ICA1: variants seen among roughly 807,000 people sequenced by gnomAD.
ICA1 encodes 69 kDa islet cell autoantigen.
ICA1 carries 40 observed loss-of-function variants against 71.0 expected under a neutral mutation model. That is an observed-to-expected ratio of 0.56 (90% CI 0.44 to 0.73). The LOEUF (loss-of-function observed/expected upper bound fraction) is 0.73, where lower values mean the gene tolerates loss of function less well. Ranked by LOEUF, ICA1 falls within the 30% of genes least tolerant of loss-of-function variation. The pLI is 0.00. For missense variants in ICA1, 578 were observed against 576.5 expected (o/e 1.00, Z -0.03); for synonymous variants, 207 against 209.5 (o/e 0.99, Z 0.10).
intron 6 of ICA1, among the ~76,000 whole-genome samples, chr7:8,174,068 G>A (rs1028018438): frequency 3.3e-5 from 5 of 152,146 alleles, no homozygotes; most frequent in African/African-American, 1.2e-4. Context: ...TTGGAGCAGA[G>A]ACCTGGAGGA....
Position 8,227,236 on chromosome 7 carries a change from T to C in ICA1, c.256+1365A>G, listed in dbSNP as rs532077332. Among the ~76,000 whole-genome samples, 20 of 152,248 alleles carry C rather than the reference T, an allele frequency of 1.3e-4. No homozygotes were observed. In the South Asian group the frequency reaches 3.9e-3, roughly 30 times the overall value. ...ATCGGGTTTAAAAGTGTACTTTGAT[T>C]GAAAGCAGTGCAGACAATAGGCTAG... On this transcript the variant is annotated intron_variant, in intron 4 of 13. Transcript: ENST00000402384.
At chr7:8,181,369 T>C (rs1782148777) in intron 6 of ICA1, among the ~76,000 whole-genome samples, 1 of 152,190 alleles carries the variant, frequency 6.6e-6, no homozygotes, top group Admixed American at 6.5e-5. Context: ...CCACACTGCC[T>C]TAATTAGTTT....
At chr7:8,221,041 C>A in intron 5 of ICA1, among the ~76,000 whole-genome samples, 1 of 151,178 alleles carries the variant, frequency 6.6e-6, no homozygotes, top group African/African-American at 2.4e-5. Flanking sequence ...CCCTACAGAC[C>A]AACAGAAAAA....
chr7:8,211,416 G>C (rs1262272160), intron 6 of ICA1, among the ~76,000 whole-genome samples: 5 of 152,136 alleles, frequency 3.3e-5, no homozygotes, highest in Non-Finnish European at 7.3e-5. Context: ...GCGTTTGGTA[G>C]TTTGTCCAGC....
intron 6 of ICA1, among the ~76,000 whole-genome samples, chr7:8,170,772 A>G (rs1335451767): frequency 1.3e-5 from 2 of 152,140 alleles, no homozygotes; most frequent in East Asian, 1.9e-4. Context: ...CATGCTGTCC[A>G]AGAATGAAGA....
In ICA1 at chr7:8,223,830, T is replaced by C. The variant is rs1470936840; in HGVS notation, c.257-2432A>G. On this transcript the variant is annotated intron_variant, in intron 4 of 13. Coordinates refer to ENST00000402384, the MANE Select transcript of ICA1 (RefSeq NM_001136020.3). This position sits in a 1 kb window ranked among gnomAD's most constrained non-coding sequence, Gnocchi z 4.1. ...TGTTCTATTAATAAGGTTTCAATTA[T>C]CTGGGACTTGAGAATTCAGAGACAA... 2.0e-5 allele frequency among the ~76,000 whole-genome samples: 3 copies of C among 152,212 alleles called. No homozygotes were observed. The highest frequency in any genetic ancestry group is 7.2e-5 in the African/African-American group (3 of 41,452).
intron 13 of ICA1, among the ~76,000 whole-genome samples, chr7:8,114,293 C>A (rs1449259974): frequency 1.3e-5 from 2 of 152,180 alleles, no homozygotes; most frequent in African/African-American, 2.4e-5. Flanking sequence ...CACCTGCACC[C>A]CAACCCCACT....
intron 6 of ICA1, among the ~76,000 whole-genome samples, chr7:8,195,993 A>C (rs1426947145): frequency 8.2e-6 from 1 of 122,540 alleles, no homozygotes; most frequent in Non-Finnish European, 2.0e-5. Flanking sequence ...AACAACAACA[A>C]CAACAACACC....
At chr7:8,207,884 GAT>G in intron 6 of ICA1, among the ~76,000 whole-genome samples, 1 of 152,272 alleles carries the variant, frequency 6.6e-6, no homozygotes, top group Admixed American at 6.5e-5. Flanking sequence ...CTAAAATATA[GAT>G]AGACTTAGGA....
intron 13 of ICA1, among the ~76,000 whole-genome samples, chr7:8,116,092 G>A (rs750612221): frequency 2.6e-5 from 4 of 152,194 alleles, no homozygotes; most frequent in South Asian, 2.1e-4. Flanking sequence ...TAATTTCTGG[G>A]ATTATGCGAA....
chr7:8,171,724 C>T (rs1323033373), intron 6 of ICA1, among the ~76,000 whole-genome samples: 1 of 151,656 alleles, frequency 6.6e-6, no homozygotes, highest in Non-Finnish European at 1.5e-5. Flanking sequence ...TGAGAACTTC[C>T]TTATTTTCTA....
At chr7:8,218,673 T>A (rs1407590714) in intron 5 of ICA1, 170 bp from the exon 6 acceptor site, 1 of 636,656 alleles carries the variant, frequency 1.6e-6, no homozygotes, top group Non-Finnish European at 2.8e-6. Flanking sequence ...TCCAACTGAT[T>A]AGTCAGCCAG....
At chr7:8,239,220 TAATC>T (rs1318743476) in intron 1 of ICA1, among the ~76,000 whole-genome samples, 4 of 152,234 alleles carry the variant, frequency 2.6e-5, no homozygotes, top group African/African-American at 9.6e-5. Flanking sequence ...TTTCCTGACA[TAATC>T]TATCTTGTTT....
At chr7:8,116,024 C>A (rs565369679) in intron 13 of ICA1, among the ~76,000 whole-genome samples, 52 of 152,226 alleles carry the variant, frequency 3.4e-4, no homozygotes, top group African/African-American at 4.8e-5. Context: ...ACATTAGGTA[C>A]AATTTGATAA....
intron 3 of ICA1, among the ~76,000 whole-genome samples, chr7:8,231,304 A>G (rs1365851891): frequency 3.9e-5 from 6 of 152,118 alleles, no homozygotes; most frequent in African/African-American, 1.4e-4. Context: ...GGGAGAGAGG[A>G]AATGCAGGAT....
At chr7:8,157,266 C>T in intron 7 of ICA1, 52 bp from the exon 8 acceptor site, 1 of 1,495,302 alleles carries the variant, frequency 6.7e-7, no homozygotes, top group South Asian at 1.3e-5. Context: ...CAGTTCTAGT[C>T]CTGGTCCCCA....
chr7:8,172,350 C>T (rs1001694005), intron 6 of ICA1, among the ~76,000 whole-genome samples: 2 of 151,956 alleles, frequency 1.3e-5, no homozygotes, highest in Non-Finnish European at 2.9e-5. Context: ...GGTAATAGTC[C>T]TTGTGCTGAA....
rs996006157 is a variant in ICA1 at position 8,254,313 on chromosome 7, T to A, written c.-80+7781A>T. Among the ~76,000 whole-genome samples the A allele has an allele frequency of 3.3e-5, 5 of 151,910 alleles. No individual in the cohort carries two copies. The South Asian group carries it at 8.3e-4, about 25-fold the overall frequency. ...CACATATTCCAGAACTTTCCTTGGT[T>A]AAGCTGTGGCAGGTAAATCATGTTT... On this transcript the variant is annotated intron_variant, in intron 1 of 13. Coordinates refer to ENST00000402384, the MANE Select transcript of ICA1 (RefSeq NM_001136020.3).
chr7:8,143,791 G>C, intron 9 of ICA1, 84 bp downstream of exon 9: 2 of 833,898 alleles, frequency 2.4e-6, no homozygotes, highest in Non-Finnish European at 4.1e-6. Flanking sequence ...CTGCGTCTGA[G>C]GCCCAGCCAG....
Sources: gnomAD v4.1 joint callset for allele counts (sites outside exome capture counted in the v4.1 genomes callset) on GRCh38, gnomAD v4.1.1 for gene constraint, Gnocchi (gnomAD v3.1) non-coding constraint, MANE v1.5 for transcripts, NCBI Gene and HGNC (gene_info 2026-07-23, HGNC 2026-07-21) for gene names.